ATIC: variants seen among roughly 807,000 people sequenced by gnomAD.
The protein encoded by ATIC is bifunctional purine biosynthesis protein ATIC.
ATIC carries 64 observed loss-of-function variants against 72.5 expected under a neutral mutation model. The observed-to-expected ratio is 0.88, with a 90% CI of 0.72 to 1.09. The LOEUF (loss-of-function observed/expected upper bound fraction) is 1.09. ATIC is among the 50% of genes least tolerant of loss of function. The pLI is 0.00. For missense variants in ATIC, 787 were observed against 732.4 expected (o/e 1.07, Z -0.86); for synonymous variants, 281 against 267.1 (o/e 1.05, Z -0.51).
intron 14 of ATIC, chr2:215,347,604 C>T (rs1315450061): frequency 8.1e-6 from 4 of 491,110 alleles, no homozygotes; most frequent in African/African-American, 2.0e-5. Flanking sequence ...ATTGACTACC[C>T]TCAGTTTTTT....
chr2:215,339,945 T>A (rs1431701202), intron 12 of ATIC, among the ~76,000 whole-genome samples: 1 of 151,998 alleles, frequency 6.6e-6, no homozygotes, highest in African/African-American at 2.4e-5. Flanking sequence ...CTTTATTATT[T>A]TTTTTAAGAG....
the ATIC span, among the ~76,000 whole-genome samples, chr2:215,358,673 A>T: frequency 2.6e-5 from 4 of 152,242 alleles, no homozygotes; most frequent in Non-Finnish European, 5.9e-5. Flanking sequence ...CTAAAAGAAA[A>T]GGCCTTGTAA....
At chr2:215,364,916 C>T in the ATIC span, 1 of 1,572,186 alleles carries the variant, frequency 6.4e-7, no homozygotes. Context: ...GCAAATGGCA[C>T]CGAGATATTC....
chr2:215,331,290 C>A (rs1330261167), intron 7 of ATIC, among the ~76,000 whole-genome samples: 1 of 151,480 alleles, frequency 6.6e-6, no homozygotes, highest in African/African-American at 2.4e-5. Context: ...TGCTTAACAT[C>A]GTAGTAGGCA....
chr2:215,331,506 C>T (rs1249430629), intron 7 of ATIC, among the ~76,000 whole-genome samples: 3 of 151,794 alleles, frequency 2.0e-5, no homozygotes, highest in African/African-American at 4.8e-5. Context: ...CCTCAGCCTC[C>T]CTAGTAGCTG....
At chr2:215,330,298 T>C (rs2052876920) in intron 7 of ATIC, among the ~76,000 whole-genome samples, 1 of 152,230 alleles carries the variant, frequency 6.6e-6, no homozygotes. Flanking sequence ...ACAGTGATTT[T>C]ATTTGACTTG....
chr2:215,338,179 TC>T (rs1181918769), intron 11 of ATIC, among the ~76,000 whole-genome samples: 1 of 152,204 alleles, frequency 6.6e-6, no homozygotes, highest in Non-Finnish European at 1.5e-5. Context: ...CACGTATTGT[TC>T]CACACACCTT....
intron 12 of ATIC, among the ~76,000 whole-genome samples, chr2:215,341,096 A>G (rs1225466428): frequency 6.6e-6 from 1 of 152,198 alleles, no homozygotes; most frequent in East Asian, 1.9e-4. Context: ...ATCTTTATCC[A>G]GAGAGTTCTG....
intron 2 of ATIC, among the ~76,000 whole-genome samples, chr2:215,316,193 G>C (rs1313770791): frequency 6.6e-6 from 1 of 152,110 alleles, no homozygotes; most frequent in Admixed American, 6.6e-5. Flanking sequence ...TACCCCAAAT[G>C]TTTAATTCTA....
chr2:215,326,848 T>C lies in ATIC; in HGVS notation c.558T>C (p.Asp186=), dbSNP rs199925934. 3 of 1,614,140 alleles carry C rather than the reference T, an allele frequency of 1.9e-6. No homozygotes were observed. The highest frequency in any genetic ancestry group is 1.3e-5 in the African/African-American group (1 of 75,024). Residue 186 remains aspartate, a synonymous_variant, in exon 7 of 16, where the codon GAT becomes GAC. Coordinates refer to ENST00000236959, the MANE Select transcript of ATIC (RefSeq NM_004044.7). Reference sequence around the variant, plus strand: ...CATTCACTCATACGGCACAATATGATGAAGCAATTTCAGATTATTTCAGGA... The same window carrying C: ...CATTCACTCATACGGCACAATATGACGAAGCAATTTCAGATTATTTCAGGA... The part of the protein sequence containing the change: ...LKAFTHTAQY[D]EAISDYFRKQ...
Position 215,342,852 on chromosome 2 carries a change from G to A in ATIC, c.1228-1927G>A, listed in dbSNP as rs529013310. On this transcript the variant is annotated intron_variant, in intron 12 of 15. Transcript: ENST00000236959. ...GCGGCACCACACCTGGCTAATCTTT[G>A]TATTTTCAGTAGAGACGGGGTTTCA... 1.5e-3 allele frequency among the ~76,000 whole-genome samples: 225 copies of A among 152,208 alleles called. 2 individuals are homozygous for A. The highest frequency in any genetic ancestry group is 5.3e-3 in the African/African-American group (220 of 41,532).
At chr2:215,318,657 C>G (rs1009152174) in intron 3 of ATIC, among the ~76,000 whole-genome samples, 2 of 152,010 alleles carry the variant, frequency 1.3e-5, no homozygotes, top group African/African-American at 4.8e-5. Flanking sequence ...TGTATATAAA[C>G]CGAAACGGCA....
Position 215,312,240 on chromosome 2 carries a change from G to C in ATIC, c.19+79G>C, listed in dbSNP as rs577329535. The C allele has an allele frequency of 4.9e-4, 704 of 1,447,746 alleles. 1 individual carries two copies. Among genetic ancestry groups the C allele is most frequent in the African/African-American group, 4.5e-3 (301 of 67,396 alleles). The allele number at this position is 1,447,746 out of a possible 1,614,324, so 89.7% of individuals were successfully genotyped here. A position where few individuals can be genotyped will look rare whatever the true frequency, so the allele number is the denominator to read the frequency against. ...CTCCCGCCTTGGCGGCGGCCGGCGG[G>C]ACCCGGCACTGCAGGGGCGGCGCTG... On this transcript the variant is annotated intron_variant, in intron 1 of 15. Transcript: ENST00000236959.
At chr2:215,365,111 G>C in the ATIC span, 18 of 730,498 alleles carry the variant, frequency 2.5e-5, no homozygotes, top group African/African-American at 2.4e-4. Context: ...ATATTTATGT[G>C]AATCATCCCT....
intron 11 of ATIC, among the ~76,000 whole-genome samples, chr2:215,337,954 A>G (rs983319959): frequency 1.3e-5 from 2 of 152,222 alleles, no homozygotes; most frequent in Non-Finnish European, 1.5e-5. Flanking sequence ...TCCTAGCATC[A>G]GTTAATAGGA....
At chr2:215,324,841 A>C (rs1243530145) in intron 4 of ATIC, among the ~76,000 whole-genome samples, 2 of 152,206 alleles carry the variant, frequency 1.3e-5, no homozygotes, top group Admixed American at 1.3e-4. Flanking sequence ...CTAAATTCTA[A>C]TGTTCTGGAT....
chr2:215,358,093 C>T, the ATIC span, among the ~76,000 whole-genome samples: 1 of 152,088 alleles, frequency 6.6e-6, no homozygotes, highest in Non-Finnish European at 1.5e-5. Flanking sequence ...GTAATTTCCC[C>T]CTGATCATTT....
intron 1 of ATIC, 157 bp from the exon 2 acceptor site, chr2:215,312,341 G>A: frequency 1.3e-6 from 2 of 1,506,816 alleles, no homozygotes; most frequent in Admixed American, 3.5e-5. Flanking sequence ...GCAGCTCGCG[G>A]GTGTAAGACC....
At chr2:215,312,425 A>G (rs1266538433) in intron 1 of ATIC, 73 bp from the exon 2 acceptor site, 1 of 1,611,842 alleles carries the variant, frequency 6.2e-7, no homozygotes, top group Non-Finnish European at 8.5e-7. Context: ...CTCCTCCCCC[A>G]GACCCTCCCA....
Sources: allele counts gnomAD v4.1 joint callset (sites outside exome capture counted in the v4.1 genomes callset), GRCh38; gene constraint gnomAD v4.1.1; transcripts MANE v1.5; gene names NCBI Gene and HGNC (gene_info 2026-07-23, HGNC 2026-07-21).